The following SHISA6 variants were observed in gnomAD, a reference collection of about 807,000 sequenced individuals.
SHISA6 encodes the protein protein shisa-6.
SHISA6 carries 22 observed loss-of-function variants against 47.9 expected under a neutral mutation model. The observed-to-expected ratio is 0.46, with a 90% CI of 0.33 to 0.66. SHISA6 has a LOEUF of 0.66. Ranked by LOEUF, SHISA6 falls within the 30% of genes least tolerant of loss-of-function variation. The pLI is 0.02. For missense variants in SHISA6, 680 were observed against 764.6 expected (o/e 0.89, Z 1.30); for synonymous variants, 388 against 337.8 (o/e 1.15, Z -1.63).
chr17:11,344,490 T>G (rs1911632849), intron 2 of SHISA6, among the ~76,000 whole-genome samples: 1 of 152,202 alleles, frequency 6.6e-6, no homozygotes, highest in African/African-American at 2.4e-5. Context: ...GTCAGCTTCA[T>G]TATTTTGCAT....
chr17:11,530,335 A>AT (rs2071721598), intron 3 of SHISA6, among the ~76,000 whole-genome samples: 1 of 152,206 alleles, frequency 6.6e-6, no homozygotes, highest in Non-Finnish European at 1.5e-5. Context: ...GACAGTCATC[A>AT]TGGAAGTGTG....
intron 3 of SHISA6, among the ~76,000 whole-genome samples, chr17:11,457,921 TA>T (rs1430002100): frequency 4.6e-5 from 7 of 151,382 alleles, no homozygotes; most frequent in Admixed American, 4.6e-4. Context: ...CCGTATCTAC[TA>T]AAAATACAAA....
chr17:11,264,480 T>C lies in SHISA6; in HGVS notation c.799+954T>C, dbSNP rs567103222. Among the ~76,000 whole-genome samples the C allele has an allele frequency of 9.2e-5, 14 of 152,320 alleles. 1 individual carries two copies. The highest frequency in any genetic ancestry group is 3.1e-4 in the African/African-American group (13 of 41,572). On this transcript the variant is annotated intron_variant, in intron 2 of 5. Coordinates refer to ENST00000441885, the MANE Select transcript of SHISA6 (RefSeq NM_207386.4). ...CAGTTAAGGGTATGAATCCAAAATA[T>C]CTGAGTGGACAGTCTCCTTAACAAG...
At chr17:11,268,337 G>A (rs1480772717) in intron 2 of SHISA6, among the ~76,000 whole-genome samples, 1 of 152,088 alleles carries the variant, frequency 6.6e-6, no homozygotes, top group East Asian at 1.9e-4. Context: ...TGGCAGAGGA[G>A]CACTCTGCCA....
intron 2 of SHISA6, among the ~76,000 whole-genome samples, chr17:11,276,848 C>G (rs57248161): frequency 1.3e-5 from 2 of 151,994 alleles, no homozygotes; most frequent in African/African-American, 4.8e-5. Context: ...CAATAGGTAT[C>G]TTCTCAGTTC....
intron 3 of SHISA6, among the ~76,000 whole-genome samples, chr17:11,401,065 T>C (rs1913755923): frequency 6.6e-6 from 1 of 152,254 alleles, no homozygotes; most frequent in Admixed American, 6.5e-5. Context: ...GTTGGCTCTC[T>C]GACTAGACTA....
chr17:11,369,921 A>G (rs56290758), intron 2 of SHISA6, among the ~76,000 whole-genome samples: 75,416 of 151,580 alleles, frequency 0.5, 19,137 homozygotes, highest in Middle Eastern at 0.59. Context: ...GCTGCTAGGC[A>G]CATTGAATGT....
intron 3 of SHISA6, among the ~76,000 whole-genome samples, chr17:11,538,226 G>A (rs1238402207): frequency 1.3e-5 from 2 of 152,218 alleles, no homozygotes; most frequent in Middle Eastern, 3.4e-3. Context: ...ACCATGCCCA[G>A]CTAATTTTTG....
chr17:11,299,616 G>A (rs1292048225), intron 2 of SHISA6, among the ~76,000 whole-genome samples: 7 of 152,138 alleles, frequency 4.6e-5, no homozygotes, highest in Non-Finnish European at 4.4e-5. Flanking sequence ...TTCCTTGCCT[G>A]TTCCAGCTTC....
intron 4 of SHISA6, among the ~76,000 whole-genome samples, chr17:11,555,100 G>C (rs940285034): frequency 2.0e-5 from 3 of 152,154 alleles, no homozygotes; most frequent in Admixed American, 6.5e-5. Context: ...CAGCAGCTTA[G>C]AGATGGCTAA....
intron 2 of SHISA6, among the ~76,000 whole-genome samples, chr17:11,294,489 T>A (rs1909670023): frequency 6.6e-6 from 1 of 152,168 alleles, no homozygotes; most frequent in Admixed American, 6.5e-5. Flanking sequence ...CATGAGCAGG[T>A]TGCTCCCCGC....
At chr17:11,508,113 G>T (rs143596651) in intron 3 of SHISA6, among the ~76,000 whole-genome samples, 1 of 152,384 alleles carries the variant, frequency 6.6e-6, no homozygotes, top group African/African-American at 2.4e-5. Flanking sequence ...CAGCAAGCTT[G>T]ATGCAGTGAG....
At chr17:11,279,226 G>T (rs894156113) in intron 2 of SHISA6, among the ~76,000 whole-genome samples, 1 of 152,146 alleles carries the variant, frequency 6.6e-6, no homozygotes, top group Non-Finnish European at 1.5e-5. Flanking sequence ...CACTGTCATC[G>T]TAGAAAGAGA....
chr17:11,401,415 C>T (rs59449284), intron 3 of SHISA6, among the ~76,000 whole-genome samples: 7,085 of 152,190 alleles, frequency 0.047, 502 homozygotes, highest in African/African-American at 0.15. Flanking sequence ...CCCAGGCTGG[C>T]CTCAAACTCC....
chr17:11,350,178 A>ATTTTT (rs199879665), intron 2 of SHISA6, among the ~76,000 whole-genome samples: 7 of 101,160 alleles, frequency 6.9e-5, no homozygotes, highest in South Asian at 3.3e-4. Context: ...TTATTTATTT[A>ATTTTT]TTTATTTTTT....
chr17:11,440,941 G>A (rs1473423962), intron 3 of SHISA6, among the ~76,000 whole-genome samples: 3 of 151,862 alleles, frequency 2.0e-5, no homozygotes, highest in South Asian at 4.2e-4. Flanking sequence ...CTGAGCAAGA[G>A]GAAAGGAGGG....
intron 3 of SHISA6, among the ~76,000 whole-genome samples, chr17:11,528,402 T>A (rs2071704210): frequency 6.6e-6 from 1 of 152,004 alleles, no homozygotes; most frequent in South Asian, 2.1e-4. Context: ...AAAATAATAG[T>A]AAAAAACATG....
intron 2 of SHISA6, among the ~76,000 whole-genome samples, chr17:11,275,004 A>G (rs531903114): frequency 6.6e-6 from 1 of 152,356 alleles, no homozygotes; most frequent in South Asian, 2.1e-4. Context: ...AAAGGTTTGC[A>G]GAAGGGCACA....
chr17:11,494,067 T>C (rs536218579), intron 3 of SHISA6, among the ~76,000 whole-genome samples: 2 of 152,262 alleles, frequency 1.3e-5, no homozygotes, highest in Middle Eastern at 3.4e-3. Flanking sequence ...CACATTGTTA[T>C]TTGAGACTGT....
Sources: gnomAD v4.1 joint callset for allele counts (sites outside exome capture counted in the v4.1 genomes callset) on GRCh38, gnomAD v4.1.1 for gene constraint, MANE v1.5 for transcripts, NCBI Gene and HGNC (gene_info 2026-07-23, HGNC 2026-07-21) for gene names.